USP25: variants seen among roughly 807,000 people sequenced by gnomAD.
The protein encoded by USP25 is ubiquitin specific peptidase 25.
In USP25, 85 loss-of-function variants were observed where a neutral mutation model predicts 158.5. That is an observed-to-expected ratio of 0.54 (90% CI 0.45 to 0.64). The LOEUF (loss-of-function observed/expected upper bound fraction) is 0.64, where lower values mean the gene tolerates loss of function less well. Among genes scored for constraint, USP25 ranks in the 30% least tolerant of loss-of-function variants. The pLI, the probability that USP25 is intolerant of heterozygous loss-of-function variation, is 0.00. For synonymous variants in USP25, 464 were observed against 460.4 expected (o/e 1.01, Z -0.10); for missense variants, 1,242 against 1,327.3 (o/e 0.94, Z 1.00).
At position 15,864,432 on chromosome 21, in the gene USP25, G is replaced by C; in HGVS notation, c.2712G>C (p.Leu904Phe). The change falls in exon 21 of 26, where the codon TTG becomes TTC. Residue 904 changes from leucine (L) to phenylalanine (F), a missense_variant. Leu to Phe is a conservative substitution (Grantham distance 22). Around this residue, in one of 3 missense-constraint regions of USP25, gnomAD observed 608 missense variants for 605.2 expected, o/e 1.00. Transcript: ENST00000400183. Reference sequence around the variant, plus strand: ...TAGAACAATTTGGAGATAGAAATTTGAGTTTTGATGAAAGGTAATTTGAAA... The same window carrying C: ...TAGAACAATTTGGAGATAGAAATTTCAGTTTTGATGAAAGGTAATTTGAAA... ...TLLEQFGDRN[L>F]SFDERCHNIM... 1 of 1,597,290 alleles carries C rather than the reference G, an allele frequency of 6.3e-7. No individual in the cohort carries two copies. Among genetic ancestry groups the C allele is most frequent in the Non-Finnish European group, 8.5e-7 (1 of 1,175,410 alleles).
Position 15,847,877 on chromosome 21 carries a change from CAT to C in USP25, c.2451+103_2451+104del. 3 of 634,194 alleles carry C rather than the reference CAT, an allele frequency of 4.7e-6. No individual in the cohort carries two copies. In the East Asian group the frequency reaches 8.4e-5, roughly 18 times the overall value. The allele number at this position is 634,194 out of a possible 1,614,324, so 39.3% of individuals were successfully genotyped here. ...CCCTCATACTTAATGTCTATTGCCACATAACATACAGCTTTGCCCCCTCATAG... is the reference window on the plus strand; with the variant it reads ...CCCTCATACTTAATGTCTATTGCCACAACATACAGCTTTGCCCCCTCATAG... On this transcript the variant is annotated intron_variant, in intron 19 of 25. Coordinates refer to ENST00000400183, the MANE Select transcript of USP25 (RefSeq NM_001283041.3).
Position 15,816,114 on chromosome 21 carries a change from G to A in USP25, c.932-2584G>A, listed in dbSNP as rs976685232. Among the ~76,000 whole-genome samples, 6 of 152,146 alleles carry A rather than the reference G, an allele frequency of 3.9e-5. No individual in the cohort carries two copies. Among genetic ancestry groups the A allele is most frequent in the African/African-American group, 7.2e-5 (3 of 41,428 alleles). On this transcript the variant is annotated intron_variant, in intron 9 of 25. Transcript: ENST00000400183. The surrounding 1 kb of genome is among the most constrained non-coding windows in gnomAD (Gnocchi z 4.0). ...CACATGTTGTGGGAGGGACCCAGGC[G>A]GAGGTAACTGAATCATGGTGGGGCA...
intron 19 of USP25, among the ~76,000 whole-genome samples, chr21:15,849,189 T>G (rs1321972827): frequency 6.6e-6 from 1 of 152,206 alleles, no homozygotes; most frequent in Non-Finnish European, 1.5e-5. Flanking sequence ...ATTAATCATT[T>G]AACACTATCT....
At chr21:15,733,102 T>G (rs2031101169) in intron 1 of USP25, among the ~76,000 whole-genome samples, 1 of 123,980 alleles carries the variant, frequency 8.1e-6, no homozygotes. Context: ...ATACATAGAT[T>G]CAAGTTCCAA....
In USP25 at chr21:15,777,892, T is replaced by G; in HGVS notation, c.269-12T>G. ...TACTTTTAATTTTGAGAAAGATAGT[T>G]TTGCTTTTCAGATGTGATTGATCTC... is the stretch of plus-strand genomic sequence containing the variant. On this transcript the variant is annotated splice_polypyrimidine_tract_variant and intron_variant, in intron 3 of 25. Coordinates refer to ENST00000400183, the MANE Select transcript of USP25 (RefSeq NM_001283041.3). 1 of 1,566,674 alleles carries G rather than the reference T, an allele frequency of 6.4e-7. No individual in the cohort carries two copies. Among genetic ancestry groups the G allele is most frequent in the Non-Finnish European group, 8.6e-7 (1 of 1,163,770 alleles).
At chr21:15,835,854 G>T (rs947378572) in intron 17 of USP25, among the ~76,000 whole-genome samples, 1 of 152,158 alleles carries the variant, frequency 6.6e-6, no homozygotes, top group Non-Finnish European at 1.5e-5. Context: ...TTGTTTAAAA[G>T]ATTGGTTTCT....
intron 1 of USP25, among the ~76,000 whole-genome samples, chr21:15,738,124 A>G (rs1265194029): frequency 2.0e-5 from 3 of 152,200 alleles, no homozygotes; most frequent in Non-Finnish European, 4.4e-5. Context: ...CATCTTTGTC[A>G]TATATGCAAA....
Position 15,781,866 on chromosome 21 carries a change from C to G in USP25, c.392+3839C>G, listed in dbSNP as rs2034983780. Among the ~76,000 whole-genome samples the G allele has an allele frequency of 4.6e-5, 7 of 152,156 alleles. No homozygotes were observed. In the South Asian group the frequency reaches 1.2e-3, roughly 27 times the overall value. On this transcript the variant is annotated intron_variant, in intron 4 of 25. Coordinates refer to ENST00000400183, the MANE Select transcript of USP25 (RefSeq NM_001283041.3). ...CTGAAAGTGCATGTGGCTACATTCC[C>G]CCACAGCAGGAACCTCTTTGACACC...
chr21:15,790,650 CTTTT>C (rs77394054), intron 4 of USP25, among the ~76,000 whole-genome samples: 6 of 126,546 alleles, frequency 4.7e-5, no homozygotes, highest in African/African-American at 5.8e-5. Context: ...TAACAAGTTT[CTTTT>C]TTTTTTTTTT....
intron 22 of USP25, 111 bp from the exon 23 acceptor site, chr21:15,869,957 T>C (rs900575926): frequency 4.1e-6 from 3 of 731,688 alleles, no homozygotes; most frequent in Middle Eastern, 4.1e-4. Flanking sequence ...TTTGAACTCT[T>C]TATTTCTATT....
chr21:15,738,399 A>C (rs1021818049), intron 1 of USP25, among the ~76,000 whole-genome samples: 1 of 152,198 alleles, frequency 6.6e-6, no homozygotes, highest in Non-Finnish European at 1.5e-5. Flanking sequence ...GATCTTTATG[A>C]TACAGGATGA....
intron 1 of USP25, among the ~76,000 whole-genome samples, chr21:15,754,648 A>C (rs533813070): frequency 6.6e-6 from 1 of 152,222 alleles, no homozygotes; most frequent in East Asian, 1.9e-4. Context: ...GGGAAGAGGA[A>C]TGCCAGGGGG....
intron 1 of USP25, among the ~76,000 whole-genome samples, chr21:15,755,406 A>T (rs529064862): frequency 6.6e-6 from 1 of 152,230 alleles, no homozygotes; most frequent in South Asian, 2.1e-4. Context: ...TTACCATTTT[A>T]TAAGTATTTT....
intron 21 of USP25, among the ~76,000 whole-genome samples, chr21:15,865,364 T>C (rs902079314): frequency 1.3e-5 from 2 of 152,128 alleles, no homozygotes; most frequent in African/African-American, 2.4e-5. Context: ...GAGTTAAAAG[T>C]GTATAGCAAA....
intron 1 of USP25, among the ~76,000 whole-genome samples, chr21:15,761,286 A>G (rs1171121470): frequency 6.6e-6 from 1 of 152,200 alleles, no homozygotes; most frequent in African/African-American, 2.4e-5. Flanking sequence ...TACAGTAGGT[A>G]GCTAGTCAGA....
Position 15,852,009 on chromosome 21 carries a change from A to G in USP25, c.2547+2137A>G, listed in dbSNP as rs576469860. Among the ~76,000 whole-genome samples, 39 of 152,288 alleles carry G rather than the reference A, an allele frequency of 2.6e-4. No individual in the cohort carries two copies. In the South Asian group the frequency reaches 7.2e-3, roughly 28 times the overall value. ...AGAATCAAGTTTGTGGAAGAGGGAC[A>G]GAGCATTTTCTTAAATAAGTTATGT... is the stretch of plus-strand genomic sequence containing the variant. On this transcript the variant is annotated intron_variant, in intron 20 of 25. Coordinates refer to ENST00000400183, the MANE Select transcript of USP25 (RefSeq NM_001283041.3).
chr21:15,873,723 C>T (rs891703035), intron 23 of USP25, among the ~76,000 whole-genome samples: 8 of 152,104 alleles, frequency 5.3e-5, no homozygotes, highest in Admixed American at 3.9e-4. Flanking sequence ...GAACTCCCTA[C>T]GTCAGGTGGT....
At chr21:15,852,889 T>C (rs900147043) in intron 20 of USP25, among the ~76,000 whole-genome samples, 3 of 152,170 alleles carry the variant, frequency 2.0e-5, no homozygotes, top group Admixed American at 1.3e-4. Context: ...TACATCAAGT[T>C]GTTTCTAATT....
At chr21:15,752,790 G>GA (rs2033117762) in intron 1 of USP25, among the ~76,000 whole-genome samples, 1 of 152,202 alleles carries the variant, frequency 6.6e-6, no homozygotes, top group Non-Finnish European at 1.5e-5. Context: ...AGCTTTAATG[G>GA]AAAGGGTATA....
Sources: allele counts gnomAD v4.1 joint callset (sites outside exome capture counted in the v4.1 genomes callset), GRCh38; gene constraint gnomAD v4.1.1; regional missense constraint gnomAD v4.1.1; non-coding constraint Gnocchi (gnomAD v3.1); transcripts MANE v1.5; gene names NCBI Gene and HGNC (gene_info 2026-07-23, HGNC 2026-07-21).